UNC13C: variants seen among roughly 807,000 people sequenced by gnomAD.
UNC13C encodes the protein unc-13 homolog C.
A neutral mutation model predicts 245.4 loss-of-function variants in UNC13C; 174 were observed. The observed-to-expected ratio is 0.71, with a 90% CI of 0.63 to 0.80. The LOEUF (loss-of-function observed/expected upper bound fraction) is 0.80. Ranked by LOEUF, UNC13C falls within the 30% of genes least tolerant of loss-of-function variation. The pLI is 0.00. For missense variants in UNC13C, 2,829 were observed against 2,602.9 expected (o/e 1.09, Z -1.89); for synonymous variants, 992 against 895.1 (o/e 1.11, Z -1.93).
intron 4 of UNC13C, among the ~76,000 whole-genome samples, chr15:54,189,710 A>T (rs1388650540): frequency 6.6e-6 from 1 of 152,178 alleles, no homozygotes; most frequent in East Asian, 1.9e-4. Context: ...TAATGTAAGA[A>T]GTTGCCTGGT....
chr15:54,096,626 G>T (rs918403093), intron 2 of UNC13C, among the ~76,000 whole-genome samples: 3 of 151,972 alleles, frequency 2.0e-5, no homozygotes, highest in East Asian at 3.9e-4. Context: ...CCCTGTTTTT[G>T]CATGTAAACA....
intron 17 of UNC13C, among the ~76,000 whole-genome samples, chr15:54,377,004 A>G (rs2039621339): frequency 6.6e-6 from 1 of 152,236 alleles, no homozygotes; most frequent in African/African-American, 2.4e-5. Flanking sequence ...AGACACACAG[A>G]GAGGAGAAGC....
intron 2 of UNC13C, among the ~76,000 whole-genome samples, chr15:54,016,636 C>CA (rs764594953): frequency 5.6e-4 from 86 of 152,264 alleles, no homozygotes; most frequent in Non-Finnish European, 8.2e-4. Context: ...CTTGTGGGAA[C>CA]AACTTTGGAT....
At chr15:53,955,400 G>T in the UNC13C span, among the ~76,000 whole-genome samples, 1 of 152,006 alleles carries the variant, frequency 6.6e-6, no homozygotes, top group Non-Finnish European at 1.5e-5. Context: ...ATGAGATGGG[G>T]TTATTAAAAG....
chr15:54,061,246 G>A lies in UNC13C; in HGVS notation c.2983+45360G>A, dbSNP rs146166496. Among the ~76,000 whole-genome samples, 387 of 152,028 alleles carry A rather than the reference G, an allele frequency of 2.5e-3. 2 individuals are homozygous for A. The highest frequency in any genetic ancestry group is 8.9e-3 in the African/African-American group (369 of 41,468). ...GGTACTAGAAAGGACTAGAGTACTA[G>A]AAAGGTACTAAAAAGGACTAGGAAG... On this transcript the variant is annotated intron_variant, in intron 2 of 32. Transcript: ENST00000260323.
intron 13 of UNC13C, among the ~76,000 whole-genome samples, chr15:54,318,380 A>G (rs1818350024): frequency 6.6e-6 from 1 of 151,872 alleles, no homozygotes; most frequent in Non-Finnish European, 1.5e-5. Flanking sequence ...CATCCTTGCA[A>G]AACACTTCTT....
At chr15:54,490,815 T>C (rs1407479872) in intron 19 of UNC13C, among the ~76,000 whole-genome samples, 1 of 152,194 alleles carries the variant, frequency 6.6e-6, no homozygotes, top group Non-Finnish European at 1.5e-5. Context: ...TCTTAAATAG[T>C]ATCCCATTTA....
intron 4 of UNC13C, among the ~76,000 whole-genome samples, chr15:54,149,432 C>T (rs2032422154): frequency 1.3e-5 from 2 of 152,170 alleles, no homozygotes; most frequent in South Asian, 4.1e-4. Flanking sequence ...CAGATGTAAA[C>T]AGGGCCCACT....
At chr15:54,563,613 G>A (rs1897384085) in intron 29 of UNC13C, among the ~76,000 whole-genome samples, 1 of 151,924 alleles carries the variant, frequency 6.6e-6, no homozygotes, top group Admixed American at 6.6e-5. Flanking sequence ...CATATTTAAT[G>A]TTTTCATTTT....
the UNC13C span, among the ~76,000 whole-genome samples, chr15:53,906,681 A>T: frequency 6.6e-6 from 1 of 152,162 alleles, no homozygotes. Context: ...ATTCTTTCAG[A>T]TGGCCATACC....
chr15:54,084,156 C>A (rs1013426103), intron 2 of UNC13C, among the ~76,000 whole-genome samples: 1 of 152,230 alleles, frequency 6.6e-6, no homozygotes, highest in Non-Finnish European at 1.5e-5. Flanking sequence ...TCCTTTTCTG[C>A]ACCCCAGCTG....
chr15:53,857,629 C>A, the UNC13C span, among the ~76,000 whole-genome samples: 1 of 152,166 alleles, frequency 6.6e-6, no homozygotes, highest in Admixed American at 6.6e-5. Context: ...TAACCTTAGG[C>A]TCTGTGCTGT....
At chr15:53,890,969 T>A in the UNC13C span, among the ~76,000 whole-genome samples, 1 of 152,216 alleles carries the variant, frequency 6.6e-6, no homozygotes, top group African/African-American at 2.4e-5. Context: ...GTGTCAATTT[T>A]AGATCTTTCC....
chr15:53,885,657 C>T, the UNC13C span, among the ~76,000 whole-genome samples: 399 of 152,316 alleles, frequency 2.6e-3, 1 homozygote, highest in African/African-American at 9.3e-3. Context: ...ATGCTTTTCT[C>T]TGGTCAACCT....
the UNC13C span, among the ~76,000 whole-genome samples, chr15:53,900,492 C>G: frequency 6.6e-6 from 1 of 152,056 alleles, no homozygotes; most frequent in Non-Finnish European, 1.5e-5. Flanking sequence ...ATAGTAAAAG[C>G]AAGAGTAATG....
At chr15:54,390,157 T>C (rs1447474149) in intron 17 of UNC13C, among the ~76,000 whole-genome samples, 1 of 152,246 alleles carries the variant, frequency 6.6e-6, no homozygotes, top group Non-Finnish European at 1.5e-5. Context: ...TTTATAACAG[T>C]TTTAAAAGTA....
chr15:54,619,421 T>A (rs192483659), intron 30 of UNC13C, among the ~76,000 whole-genome samples: 2 of 152,312 alleles, frequency 1.3e-5, no homozygotes, highest in African/African-American at 2.4e-5. Flanking sequence ...CCTGGCCAAG[T>A]CCATCTTTTG....
intron 4 of UNC13C, among the ~76,000 whole-genome samples, chr15:54,203,358 C>A (rs1272993520): frequency 2.0e-5 from 3 of 151,178 alleles, no homozygotes; most frequent in East Asian, 3.9e-4. Context: ...GTCACTATAC[C>A]AAAAAGATAC....
chr15:54,174,770 A>G (rs1218852163), intron 4 of UNC13C, among the ~76,000 whole-genome samples: 1 of 152,176 alleles, frequency 6.6e-6, no homozygotes, highest in Admixed American at 6.6e-5. Context: ...TATAATAATC[A>G]TTTCAAAAGC....
Sources: allele counts gnomAD v4.1 joint callset (sites outside exome capture counted in the v4.1 genomes callset), GRCh38; gene constraint gnomAD v4.1.1; transcripts MANE v1.5; gene names NCBI Gene and HGNC (gene_info 2026-07-23, HGNC 2026-07-21).